KCNJ4: variants seen among roughly 807,000 people sequenced by gnomAD.
KCNJ4 encodes inward rectifier potassium channel 4.
KCNJ4 carries 3 observed loss-of-function variants against 25.6 expected under a neutral mutation model. The ratio of observed to expected loss-of-function variants is 0.12; its 90% CI spans 0.05 to 0.30. KCNJ4 has a LOEUF of 0.30. Among genes scored for constraint, KCNJ4 ranks in the 10% least tolerant of loss-of-function variants. The pLI is 1.00. For missense variants in KCNJ4, 286 were observed against 666.8 expected (o/e 0.43, Z 6.29); for synonymous variants, 257 against 283.9 (o/e 0.91, Z 0.95).
At chr22:38,452,989 G>A (rs1469098116) in intron 1 of KCNJ4, among the ~76,000 whole-genome samples, 1 of 147,146 alleles carries the variant, frequency 6.8e-6, no homozygotes, top group African/African-American at 2.5e-5. Context: ...AGTGGTCCCC[G>A]CAGAGGGGCC....
Position 38,428,555 on chromosome 22 carries a change from C to T in KCNJ4, c.-39-384G>A, listed in dbSNP as rs149133633. Among the ~76,000 whole-genome samples the T allele has an allele frequency of 8.7e-3, 1,325 of 152,132 alleles. 10 individuals carry two copies. The highest frequency in any genetic ancestry group is 0.014 in the Non-Finnish European group (978 of 68,012). On this transcript the variant is annotated intron_variant, in intron 1 of 1. Coordinates refer to ENST00000303592, the MANE Select transcript of KCNJ4 (RefSeq NM_152868.3). ...CCCTGAGCATAGGGAGCCACGGAGGCGCTAAGCCCGCTTCCCTCCCTGGAT... is the reference window on the plus strand; with the variant it reads ...CCCTGAGCATAGGGAGCCACGGAGGTGCTAAGCCCGCTTCCCTCCCTGGAT...
intron 1 of KCNJ4, among the ~76,000 whole-genome samples, chr22:38,436,880 C>T (rs2145938481): frequency 6.6e-6 from 1 of 152,300 alleles, no homozygotes. Context: ...CAATGGGCAT[C>T]AAAGCACGCT....
At chr22:38,439,049 C>T (rs1168896416) in intron 1 of KCNJ4, among the ~76,000 whole-genome samples, 2 of 152,154 alleles carry the variant, frequency 1.3e-5, no homozygotes, top group Admixed American at 1.3e-4. Context: ...AATCCAAGAC[C>T]ATGCTGGGCA....
At chr22:38,435,045 G>A (rs2093061421) in intron 1 of KCNJ4, among the ~76,000 whole-genome samples, 2 of 152,224 alleles carry the variant, frequency 1.3e-5, no homozygotes, top group African/African-American at 2.4e-5. Context: ...GGGAGCTGGG[G>A]AACCCCTTCC....
chr22:38,437,790 T>C (rs891337910), intron 1 of KCNJ4, among the ~76,000 whole-genome samples: 4 of 152,066 alleles, frequency 2.6e-5, no homozygotes, highest in Non-Finnish European at 5.9e-5. Flanking sequence ...CTGTATATCT[T>C]TGTGGAAGTG....
At chr22:38,429,260 T>A (rs1254061760) in intron 1 of KCNJ4, among the ~76,000 whole-genome samples, 1 of 152,048 alleles carries the variant, frequency 6.6e-6, no homozygotes, top group African/African-American at 2.4e-5. Flanking sequence ...GAATCCAATG[T>A]GACAGTCAGG....
chr22:38,439,767 T>C, intron 1 of KCNJ4, among the ~76,000 whole-genome samples: 1 of 104,594 alleles, frequency 9.6e-6, no homozygotes, highest in Admixed American at 1.2e-4. Flanking sequence ...AGAGCGAGAC[T>C]CCATCTCAAA....
At chr22:38,441,054 C>A (rs2145942253) in intron 1 of KCNJ4, among the ~76,000 whole-genome samples, 1 of 152,278 alleles carries the variant, frequency 6.6e-6, no homozygotes, top group Middle Eastern at 3.4e-3. Flanking sequence ...GGGTCTTAGA[C>A]CCGGCCCCAG....
At chr22:38,438,736 A>T (rs1438411105) in intron 1 of KCNJ4, among the ~76,000 whole-genome samples, 1 of 151,036 alleles carries the variant, frequency 6.6e-6, no homozygotes, top group African/African-American at 2.4e-5. Context: ...AGAATACTCC[A>T]AAAGTCTGAG....
intron 1 of KCNJ4, among the ~76,000 whole-genome samples, chr22:38,448,347 C>T (rs187998249): frequency 4.3e-4 from 66 of 152,088 alleles, no homozygotes; most frequent in African/African-American, 1.3e-3. Context: ...AGGCTGAGCA[C>T]GCCCCACCAT....
At chr22:38,444,281 C>A (rs1482752400) in intron 1 of KCNJ4, among the ~76,000 whole-genome samples, 2 of 152,214 alleles carry the variant, frequency 1.3e-5, no homozygotes, top group Admixed American at 6.5e-5. Context: ...AACAAGATAA[C>A]CCAGCCCGTC....
chr22:38,428,165 G>C lies in KCNJ4; in HGVS notation c.-33C>G. On this transcript the variant is annotated 5_prime_UTR_variant, in exon 2 of 2. Coordinates refer to ENST00000303592, the MANE Select transcript of KCNJ4 (RefSeq NM_152868.3). ...AGCCGGCGTGGTCACCTGGGAAGAC[G>C]CAGGGCCTGCGGAGGAGAAGCCGGA... is the stretch of plus-strand genomic sequence containing the variant. 6.3e-7 allele frequency: 1 copy of C among 1,582,944 alleles called. No homozygotes were observed. Among genetic ancestry groups the C allele is most frequent in the Non-Finnish European group, 8.6e-7 (1 of 1,163,552 alleles).
intron 1 of KCNJ4, among the ~76,000 whole-genome samples, chr22:38,437,642 G>A (rs986479555): frequency 1.3e-5 from 2 of 152,346 alleles, no homozygotes; most frequent in African/African-American, 2.4e-5. Context: ...TGTGTGTGGC[G>A]TTAAGCAGTT....
At chr22:38,442,691 C>T (rs1392507701) in intron 1 of KCNJ4, among the ~76,000 whole-genome samples, 1 of 152,168 alleles carries the variant, frequency 6.6e-6, no homozygotes, top group Non-Finnish European at 1.5e-5. Context: ...GGCATGCTGC[C>T]AAGGCGAACA....
rs575461087 is a variant in KCNJ4, at chr22:38,427,362, C to T, written c.771G>A (p.Ser257=). ...DIGLDRIFLV[S]PIIIVHEIDE... ...CGATCTCGTGGACAATGATGATGGG[C>T]GACACCAGGAAGATGCGGTCCAGGC... Residue 257 remains serine, a synonymous_variant, in exon 2 of 2, where the codon TCG becomes TCA. Coordinates refer to ENST00000303592, the MANE Select transcript of KCNJ4 (RefSeq NM_152868.3). The T allele has an allele frequency of 9.3e-6, 15 of 1,613,894 alleles. No individual in the cohort carries two copies. The East Asian group carries it at 1.8e-4, about 19-fold the overall frequency.
chr22:38,430,512 A>G (rs562280106), intron 1 of KCNJ4, among the ~76,000 whole-genome samples: 8 of 152,296 alleles, frequency 5.3e-5, no homozygotes, highest in African/African-American at 1.9e-4. Context: ...CGAAAAAAAA[A>G]GAAAATGAGA....
At chr22:38,435,514 G>A (rs1194455704) in intron 1 of KCNJ4, among the ~76,000 whole-genome samples, 1 of 151,972 alleles carries the variant, frequency 6.6e-6, no homozygotes, top group Non-Finnish European at 1.5e-5. Context: ...CCAACATGGT[G>A]AAACCCTGTC....
intron 1 of KCNJ4, among the ~76,000 whole-genome samples, chr22:38,435,929 G>A (rs2093064179): frequency 6.6e-6 from 1 of 151,958 alleles, no homozygotes; most frequent in Admixed American, 6.6e-5. Context: ...GACAGACTGA[G>A]CCACAGGGGA....
intron 1 of KCNJ4, among the ~76,000 whole-genome samples, chr22:38,450,684 C>T (rs1470146580): frequency 6.6e-6 from 1 of 152,206 alleles, no homozygotes; most frequent in East Asian, 1.9e-4. Flanking sequence ...CAGCCTGGCC[C>T]TAATCTAACT....
Sources: gnomAD v4.1 joint callset for allele counts (sites outside exome capture counted in the v4.1 genomes callset) on GRCh38, gnomAD v4.1.1 for gene constraint, MANE v1.5 for transcripts, NCBI Gene and HGNC (gene_info 2026-07-23, HGNC 2026-07-21) for gene names.